AZIN2: variants seen among roughly 807,000 people sequenced by gnomAD.
The protein encoded by AZIN2 is antizyme inhibitor 2.
Under a neutral mutation model 47.8 loss-of-function variants are expected in AZIN2, and 28 were observed. That is an observed-to-expected ratio of 0.59 (90% CI 0.43 to 0.80). The LOEUF (loss-of-function observed/expected upper bound fraction) is 0.80. AZIN2 is among the 30% of genes least tolerant of loss of function. The pLI, the probability that AZIN2 is intolerant of heterozygous loss-of-function variation, is 0.00. For synonymous variants in AZIN2, 221 were observed against 239.4 expected (o/e 0.92, Z 0.71); for missense variants, 535 against 582.5 (o/e 0.92, Z 0.84).
intron 4 of AZIN2, chr1:33,082,576 G>A (rs929878047): frequency 6.5e-6 from 3 of 461,356 alleles, no homozygotes; most frequent in African/African-American, 6.1e-5. Flanking sequence ...GGTCAGAAAC[G>A]GGGGATTCCT....
the AZIN2 span, among the ~76,000 whole-genome samples, chr1:33,152,680 C>T: frequency 6.6e-6 from 1 of 151,802 alleles, no homozygotes; most frequent in African/African-American, 2.4e-5. Flanking sequence ...ATCATTATTA[C>T]AAACAAATAA....
chr1:33,149,697 C>G, the AZIN2 span, among the ~76,000 whole-genome samples: 4,472 of 152,282 alleles, frequency 0.029, 205 homozygotes, highest in African/African-American at 0.091. Context: ...TCAAGTGATC[C>G]TGCTGCCTCA....
At chr1:33,106,161 T>G (rs1156873011) in intron 10 of AZIN2, among the ~76,000 whole-genome samples, 1 of 152,134 alleles carries the variant, frequency 6.6e-6, no homozygotes, top group East Asian at 1.9e-4. Context: ...AGAAATTGGA[T>G]AACCTAGGCA....
At chr1:33,131,980 T>C in the AZIN2 span, among the ~76,000 whole-genome samples, 1 of 152,220 alleles carries the variant, frequency 6.6e-6, no homozygotes, top group Non-Finnish European at 1.5e-5. Flanking sequence ...GCATGGTTGA[T>C]TGAGCAGTCT....
Position 33,081,533 on chromosome 1 carries a change from G to A in AZIN2, c.-285+25G>A, listed in dbSNP as rs1415477694. 6.5e-6 allele frequency: 1 copy of A among 153,382 alleles called. No individual in the cohort carries two copies. The highest frequency in any genetic ancestry group is 2.1e-4 in the South Asian group (1 of 4,868). 9.5% of individuals were successfully genotyped at this position (153,382 alleles called of 1,614,324 possible). Reference sequence around the variant, plus strand: ...GGTAAGGGGCCCTGGGGGTTGGGGGGACCTCAGCCCTGCACTCTGTAGGAG... The same window carrying A: ...GGTAAGGGGCCCTGGGGGTTGGGGGAACCTCAGCCCTGCACTCTGTAGGAG... On this transcript the variant is annotated intron_variant, in intron 2 of 11. Transcript: ENST00000294517. This position sits in a 1 kb window ranked among gnomAD's most constrained non-coding sequence, Gnocchi z 4.2.
Position 33,118,125 on chromosome 1 carries a change from G to A in AZIN2, c.1244+9G>A, listed in dbSNP as rs1351540209. On this transcript the variant is annotated intron_variant, in intron 11 of 11. Coordinates refer to ENST00000294517, the MANE Select transcript of AZIN2 (RefSeq NM_052998.4). ...ATGTCCCGGGTGGCCTGGTAAGAGG[G>A]CCCTGCTGGAAAATGGGGGTATGGG... The A allele has an allele frequency of 2.0e-6, 3 of 1,505,982 alleles. No individual in the cohort carries two copies. The highest frequency in any genetic ancestry group is 2.7e-6 in the Non-Finnish European group (3 of 1,130,276). The allele number at this position is 1,505,982 out of a possible 1,614,324, so 93.3% of individuals were successfully genotyped here.
chr1:33,147,036 C>T, the AZIN2 span: 5 of 826,266 alleles, frequency 6.1e-6, no homozygotes, highest in East Asian at 5.2e-5. The surrounding 1 kb of genome is among the most constrained non-coding windows in gnomAD (Gnocchi z 8.1). Flanking sequence ...CTCCATTTTA[C>T]AGACTGGAGG....
Position 33,094,696 on chromosome 1 carries a change from A to C in AZIN2, c.736A>C (p.Lys246Gln), listed in dbSNP as rs762616631. 14 of 1,614,188 alleles carry C rather than the reference A, an allele frequency of 8.7e-6. No homozygotes were observed. The highest frequency in any genetic ancestry group is 1.0e-5 in the Non-Finnish European group (12 of 1,180,024). Residue 246 changes from lysine (K) to glutamine (Q), a missense_variant, in exon 8 of 12, where the codon AAA becomes CAA. This residue lies in a region of AZIN2 where 409 missense variants were observed against 429.0 expected (regional missense o/e 0.95). Transcript: ENST00000294517. ...GGGFPGTEGA[K>Q]VRFEEIASVI... ...TGGCTTCCCTGGCACAGAAGGGGCC[A>C]AAGTGAGATTTGAAGAGGTAACCCT...
the AZIN2 span, among the ~76,000 whole-genome samples, chr1:33,155,398 G>A: frequency 6.6e-6 from 1 of 151,986 alleles, no homozygotes; most frequent in Non-Finnish European, 1.5e-5. Flanking sequence ...GTGCCTTGAG[G>A]GACTTTTGAT....
the AZIN2 span, chr1:33,165,599 G>C: frequency 3.1e-5 from 48 of 1,565,438 alleles, no homozygotes; most frequent in Non-Finnish European, 3.7e-5. This position sits in a 1 kb window ranked among gnomAD's most constrained non-coding sequence, Gnocchi z 4.0. Context: ...ATGGGGGCAG[G>C]GGCCATGCCT....
chr1:33,087,996 C>T (rs1642120020), intron 5 of AZIN2, among the ~76,000 whole-genome samples: 1 of 152,106 alleles, frequency 6.6e-6, no homozygotes, highest in African/African-American at 2.4e-5. Context: ...TCTGCAGGTC[C>T]CGGGTACCAT....
At chr1:33,104,614 A>T (rs1435383280) in intron 10 of AZIN2, among the ~76,000 whole-genome samples, 1 of 152,196 alleles carries the variant, frequency 6.6e-6, no homozygotes, top group East Asian at 1.9e-4. Flanking sequence ...AGTAAAATAA[A>T]ATGATTCACT....
At chr1:33,132,978 T>C in the AZIN2 span, among the ~76,000 whole-genome samples, 3 of 152,246 alleles carry the variant, frequency 2.0e-5, no homozygotes, top group South Asian at 6.2e-4. Flanking sequence ...GATAATGTGA[T>C]AAGCCACACC....
the AZIN2 span, among the ~76,000 whole-genome samples, chr1:33,136,316 CTTTT>C: frequency 1.5e-5 from 2 of 135,972 alleles, no homozygotes; most frequent in Non-Finnish European, 3.2e-5. Context: ...TTCTTTCTTT[CTTTT>C]TCTTTCTTTC....
At chr1:33,132,946 A>G in the AZIN2 span, among the ~76,000 whole-genome samples, 1 of 152,226 alleles carries the variant, frequency 6.6e-6, no homozygotes, top group Non-Finnish European at 1.5e-5. Context: ...GAAGTGGAAA[A>G]TTCTAAGGGC....
At chr1:33,136,116 T>G in the AZIN2 span, among the ~76,000 whole-genome samples, 1 of 30,708 alleles carries the variant, frequency 3.3e-5, no homozygotes, top group Non-Finnish European at 8.8e-5. Flanking sequence ...GGGCCAGCCC[T>G]TCCTTCCTTC....
chr1:33,159,914 C>T, the AZIN2 span: 28 of 1,607,494 alleles, frequency 1.7e-5, no homozygotes, highest in East Asian at 1.1e-4. The surrounding 1 kb of genome is among the most constrained non-coding windows in gnomAD (Gnocchi z 4.2). Context: ...AAGGCCTCGC[C>T]GATAGTGGTC....
At chr1:33,129,705 TC>T in the AZIN2 span, among the ~76,000 whole-genome samples, 5 of 152,178 alleles carry the variant, frequency 3.3e-5, no homozygotes, top group East Asian at 9.6e-4. This position sits in a 1 kb window ranked among gnomAD's most constrained non-coding sequence, Gnocchi z 4.1. Flanking sequence ...GAGATTCTCT[TC>T]CTGGTTTGCA....
rs907186807 is a variant in AZIN2, at chr1:33,121,223, T to TAA, written c.*1044_*1045dup. Among the ~76,000 whole-genome samples the TAA allele has an allele frequency of 2.6e-5, 4 of 152,328 alleles. No individual in the cohort carries two copies. The highest frequency in any genetic ancestry group is 9.6e-5 in the African/African-American group (4 of 41,582). ...ACTCTAAATATTTTTCTGCTGCAAT[T>TAA]AAAAGATTTGAGATGTAATTCATAT... On this transcript the variant is annotated 3_prime_UTR_variant, in exon 12 of 12. Coordinates refer to ENST00000294517, the MANE Select transcript of AZIN2 (RefSeq NM_052998.4).
Sources: allele counts gnomAD v4.1 joint callset (sites outside exome capture counted in the v4.1 genomes callset), GRCh38; gene constraint gnomAD v4.1.1; regional missense constraint gnomAD v4.1.1; non-coding constraint Gnocchi (gnomAD v3.1); transcripts MANE v1.5; gene names NCBI Gene and HGNC (gene_info 2026-07-23, HGNC 2026-07-21).